Variants in SSH2 observed in about 807,000 individuals in gnomAD.
The protein encoded by SSH2 is slingshot protein phosphatase 2.
Under a neutral mutation model 135.2 loss-of-function variants are expected in SSH2, and 37 were observed. That is an observed-to-expected ratio of 0.27 (90% CI 0.21 to 0.36). SSH2 has a LOEUF of 0.36. Ranked by LOEUF, SSH2 falls within the 10% of genes least tolerant of loss-of-function variation. The pLI is 1.00. For missense variants in SSH2, 1,408 were observed against 1,765.3 expected (o/e 0.80, Z 3.63); for synonymous variants, 628 against 646.2 (o/e 0.97, Z 0.43).
At chr17:29,883,159 T>C (rs2066171054) in intron 1 of SSH2, 1 of 152,164 alleles carries the variant, frequency 6.6e-6, no homozygotes, top group Non-Finnish European at 1.5e-5. Flanking sequence ...ACTCTTATGC[T>C]TAGTGACAAG....
At chr17:29,763,006 T>G (rs2617875) in intron 3 of SSH2, among the ~76,000 whole-genome samples, 91,196 of 152,088 alleles carry the variant, frequency 0.6, 29,861 homozygotes, top group African/African-American at 0.87. Flanking sequence ...ATCAAGAAAA[T>G]AATAAGCCTT....
chr17:29,916,154 A>G (rs1217884184), intron 1 of SSH2, among the ~76,000 whole-genome samples: 2 of 152,148 alleles, frequency 1.3e-5, no homozygotes, highest in Non-Finnish European at 1.5e-5. Flanking sequence ...ATTTGTTATA[A>G]TGAAAAAATT....
chr17:29,702,774 T>G (rs2039039941), intron 4 of SSH2, among the ~76,000 whole-genome samples, 185 bp downstream of exon 4: 1 of 152,236 alleles, frequency 6.6e-6, no homozygotes, highest in African/African-American at 2.4e-5. Flanking sequence ...CTACTATGTG[T>G]AAAAGGCTTT....
chr17:29,667,431 G>T (rs2037325421), intron 9 of SSH2, among the ~76,000 whole-genome samples: 1 of 152,210 alleles, frequency 6.6e-6, no homozygotes, highest in South Asian at 2.1e-4. Flanking sequence ...AACAGGAGGT[G>T]AGCAGCGGGC....
intron 15 of SSH2, among the ~76,000 whole-genome samples, chr17:29,635,426 CA>C (rs1257797418): frequency 1.3e-5 from 2 of 150,966 alleles, no homozygotes; most frequent in Non-Finnish European, 3.0e-5. Flanking sequence ...TTTTTTGAGA[CA>C]AGAGTCTTGC....
At chr17:29,924,403 G>A (rs1473780728) in intron 1 of SSH2, among the ~76,000 whole-genome samples, 6 of 152,146 alleles carry the variant, frequency 3.9e-5, no homozygotes, top group African/African-American at 1.4e-4. Flanking sequence ...CATCTTAAAT[G>A]TCAAAACTTT....
chr17:29,761,841 ATATGTGTGTGTG>A (rs1157567917), intron 3 of SSH2, among the ~76,000 whole-genome samples: 1 of 141,228 alleles, frequency 7.1e-6, no homozygotes, highest in Non-Finnish European at 1.5e-5. Flanking sequence ...ACTCACATAC[ATATGTGTGTGTG>A]TGTGTGTGTG....
intron 1 of SSH2, among the ~76,000 whole-genome samples, chr17:29,853,005 G>T (rs1053847864): frequency 2.0e-5 from 3 of 151,444 alleles, no homozygotes; most frequent in African/African-American, 7.3e-5. Context: ...GCTAAAAAGC[G>T]TTTGACAAAA....
At chr17:29,784,832 A>G (rs2041926223) in intron 3 of SSH2, among the ~76,000 whole-genome samples, 1 of 152,108 alleles carries the variant, frequency 6.6e-6, no homozygotes, top group South Asian at 2.1e-4. Flanking sequence ...TATGTTTGGA[A>G]TGCTACCCTT....
In SSH2 at chr17:29,652,697, G is replaced by A. The variant is rs145663271; in HGVS notation, c.1080-1897C>T. ...CCCCAAGATGGAGGCTTGCTCTGTC[G>A]CCCAGATCTGGAGTGCAATGGCACG... is the stretch of plus-strand genomic sequence containing the variant. On this transcript the variant is annotated intron_variant, in intron 12 of 15. Transcript: ENST00000540801. Among the ~76,000 whole-genome samples the A allele has an allele frequency of 4.2e-3, 641 of 152,026 alleles. 4 individuals carry two copies. Among genetic ancestry groups the A allele is most frequent in the Middle Eastern group, 0.014 (4 of 294 alleles).
intron 13 of SSH2, among the ~76,000 whole-genome samples, 188 bp downstream of exon 13, chr17:29,650,466 G>C (rs999940948): frequency 2.6e-5 from 4 of 152,084 alleles, no homozygotes; most frequent in African/African-American, 9.7e-5. Context: ...CTTTCTCCTA[G>C]GGGTTTACTT....
At chr17:29,835,152 C>A (rs1021962493) in intron 2 of SSH2, among the ~76,000 whole-genome samples, 2 of 152,178 alleles carry the variant, frequency 1.3e-5, no homozygotes, top group African/African-American at 4.8e-5. Flanking sequence ...TTATTCAAAT[C>A]TAAGCAGGTT....
chr17:29,728,307 G>A (rs1243983621), intron 3 of SSH2, among the ~76,000 whole-genome samples: 2 of 152,150 alleles, frequency 1.3e-5, no homozygotes, highest in African/African-American at 4.8e-5. Context: ...ACCATTTACA[G>A]TAGTCACACA....
chr17:29,927,073 G>C (rs1296201458), intron 1 of SSH2, among the ~76,000 whole-genome samples: 1 of 152,076 alleles, frequency 6.6e-6, no homozygotes, highest in Non-Finnish European at 1.5e-5. Context: ...ACTTCCCTAA[G>C]GCATACTGTG....
At chr17:29,789,288 A>G (rs564274787) in intron 3 of SSH2, among the ~76,000 whole-genome samples, 1 of 152,358 alleles carries the variant, frequency 6.6e-6, no homozygotes, top group Admixed American at 6.5e-5. Context: ...GCAAAAAATG[A>G]GAAAGCATGT....
At chr17:29,669,881 C>CTT (rs571124019) in intron 9 of SSH2, among the ~76,000 whole-genome samples, 67 of 133,012 alleles carry the variant, frequency 5.0e-4, no homozygotes, top group African/African-American at 7.7e-4. Flanking sequence ...CTAATAAAAT[C>CTT]TTTTTTTTTT....
At chr17:29,692,784 A>G (rs957031789) in intron 5 of SSH2, among the ~76,000 whole-genome samples, 1 of 152,226 alleles carries the variant, frequency 6.6e-6, no homozygotes, top group East Asian at 1.9e-4. Context: ...GTGTACTCCA[A>G]GTGTGATTCC....
intron 3 of SSH2, among the ~76,000 whole-genome samples, chr17:29,732,028 T>G (rs543336567): frequency 2.0e-5 from 3 of 152,260 alleles, no homozygotes; most frequent in Middle Eastern, 3.4e-3. Context: ...TGGGTGATTT[T>G]ACGCTCACAA....
chr17:29,887,716 G>T (rs1182311382), intron 1 of SSH2, among the ~76,000 whole-genome samples: 1 of 152,126 alleles, frequency 6.6e-6, no homozygotes, highest in Non-Finnish European at 1.5e-5. Flanking sequence ...GCAGAAACCT[G>T]GTCATCATAG....
Sources: gnomAD v4.1 joint callset for allele counts (sites outside exome capture counted in the v4.1 genomes callset) on GRCh38, gnomAD v4.1.1 for gene constraint, MANE v1.5 for transcripts, NCBI Gene and HGNC (gene_info 2026-07-23, HGNC 2026-07-21) for gene names.